Variants in LGI2 observed in about 807,000 individuals in gnomAD.
The protein encoded by LGI2 is leucine-rich repeat LGI family member 2.
Under a neutral mutation model 52.0 loss-of-function variants are expected in LGI2, and 30 were observed. The observed-to-expected ratio is 0.58, with a 90% CI of 0.43 to 0.78. LGI2 has a LOEUF of 0.78. Ranked by LOEUF, LGI2 falls within the 30% of genes least tolerant of loss-of-function variation. The pLI, the probability that LGI2 is intolerant of heterozygous loss-of-function variation, is 0.00. For missense variants in LGI2, 573 were observed against 692.5 expected (o/e 0.83, Z 1.94); for synonymous variants, 270 against 271.8 (o/e 0.99, Z 0.06).
rs1395625181 is a variant in LGI2 at position 25,003,906 on chromosome 4, C to T, written c.1183G>A (p.Val395Ile). 1 of 1,614,040 alleles carries T rather than the reference C, an allele frequency of 6.2e-7. No individual in the cohort carries two copies. The highest frequency in any genetic ancestry group is 1.3e-5 in the African/African-American group (1 of 74,912). Residue 395 changes from valine (V) to isoleucine (I), a missense_variant, in exon 8 of 8, where the codon GTC (valine) becomes ATC (isoleucine). By Grantham distance (29) the Val-to-Ile change is conservative. Transcript: ENST00000382114. ...TTATTCCACTGGAGGATGATGGGGACCTGGGAGCGGCTGGACAGGATGAGA... is the reference window on the plus strand; with the variant it reads ...TTATTCCACTGGAGGATGATGGGGATCTGGGAGCGGCTGGACAGGATGAGA... ...SHLILSSRSQ[V>I]PIILQWNKSS... is the part of the protein sequence containing the mutation.
At chr4:25,024,940 C>T in intron 3 of LGI2, 49 bp from the exon 4 acceptor site, 2 of 1,196,654 alleles carry the variant, frequency 1.7e-6, no homozygotes, top group Non-Finnish European at 1.2e-6. Flanking sequence ...TCCTTAGTAT[C>T]CCAAAAAAAC....
chr4:24,995,120 T>C (rs1560283256), downstream of LGI2, among the ~76,000 whole-genome samples: 1 of 152,218 alleles, frequency 6.6e-6, no homozygotes, highest in East Asian at 1.9e-4. Flanking sequence ...TTTGTGGAAA[T>C]GACTTCTCTC....
intron 7 of LGI2, among the ~76,000 whole-genome samples, chr4:25,011,405 G>C (rs1217119213): frequency 6.6e-6 from 1 of 152,072 alleles, no homozygotes; most frequent in African/African-American, 2.4e-5. Flanking sequence ...ATCTGAAATG[G>C]CATCCTCGGA....
chr4:25,004,456 T>C lies in LGI2; in HGVS notation c.821-188A>G, dbSNP rs1008885664. 2.0e-5 allele frequency among the ~76,000 whole-genome samples: 3 copies of C among 152,202 alleles called. No individual in the cohort carries two copies. Among genetic ancestry groups the C allele is most frequent in the Admixed American group, 6.5e-5 (1 of 15,286 alleles). On this transcript the variant is annotated intron_variant, in intron 7 of 7. Coordinates refer to ENST00000382114, the MANE Select transcript of LGI2 (RefSeq NM_018176.4). This position sits in a 1 kb window ranked among gnomAD's most constrained non-coding sequence, Gnocchi z 4.6. ...GCCAGCAATTCCACTTCTTTGTATA[T>C]ACCCAAAATAATTGAAAGCAGTGAC...
At chr4:24,992,732 G>GC in the LGI2 span, among the ~76,000 whole-genome samples, 2 of 152,010 alleles carry the variant, frequency 1.3e-5, no homozygotes, top group African/African-American at 2.4e-5. Context: ...ATGAAGAATG[G>GC]CCTATCCAGC....
chr4:25,014,141 CA>C (rs1460088532), intron 6 of LGI2, among the ~76,000 whole-genome samples: 1 of 152,218 alleles, frequency 6.6e-6, no homozygotes, highest in African/African-American at 2.4e-5. Flanking sequence ...AAGTTCTAAG[CA>C]CTCCCGTGAC....
At chr4:25,026,997 G>T in intron 2 of LGI2, 58 bp from the exon 3 acceptor site, 1 of 1,292,110 alleles carries the variant, frequency 7.7e-7, no homozygotes, top group Non-Finnish European at 1.1e-6. Flanking sequence ...ACATGGTAAA[G>T]CCATTTCTCT....
chr4:25,027,196 T>C (rs746604319), intron 2 of LGI2, among the ~76,000 whole-genome samples: 1 of 152,158 alleles, frequency 6.6e-6, no homozygotes, highest in Non-Finnish European at 1.5e-5. Flanking sequence ...TCTCAGTAAA[T>C]ATGATCTGAT....
chr4:25,023,044 T>C (rs1441796185), intron 4 of LGI2, among the ~76,000 whole-genome samples: 1 of 145,974 alleles, frequency 6.9e-6, no homozygotes, highest in East Asian at 2.1e-4. Flanking sequence ...ACTTAATGCA[T>C]GGAGGGAAGG....
In LGI2 at chr4:25,019,190, A is replaced by G. The variant is rs779972272; in HGVS notation, c.462T>C (p.Ser154=). ...HIKALPRDVF[S]DLDSLIELDL... is the part of the protein sequence containing the mutation. ...ACAGTTCAATCAGAGAGTCTAAATC[A>G]CTGAAGACATCCCTTGGTAGTGCTT... is the stretch of plus-strand genomic sequence containing the variant. Residue 154 remains serine (S), a synonymous_variant, in exon 5 of 8, where the codon AGT becomes AGC. Transcript: ENST00000382114. 6.8e-6 allele frequency: 11 copies of G among 1,607,162 alleles called. No homozygotes were observed. Among genetic ancestry groups the G allele is most frequent in the Non-Finnish European group, 9.4e-6 (11 of 1,175,428 alleles).
chr4:24,992,442 G>A, the LGI2 span, among the ~76,000 whole-genome samples: 8 of 152,034 alleles, frequency 5.3e-5, no homozygotes, highest in Admixed American at 2.0e-4. Flanking sequence ...AGCCAGGTGC[G>A]GTGGCTCACA....
In LGI2 at chr4:25,003,766, C is replaced by T; in HGVS notation, c.1323G>A (p.Gly441=). 6.2e-7 allele frequency: 1 copy of T among 1,614,134 alleles called. No homozygotes were observed. Among genetic ancestry groups the T allele is most frequent in the South Asian group, 1.1e-5 (1 of 91,072 alleles). Residue 441 remains glycine (G), a synonymous_variant, in exon 8 of 8, where the codon GGG becomes GGA. Transcript: ENST00000382114. The part of the protein sequence containing the change: ...TLYLSLTRFI[G]DSRVMRWNSK... ...TGTTCCACCTCATGACCCGGGAGTCCCCGATGAAGCGGGTAAGGGAAAGGT... is the reference window on the plus strand; with the variant it reads ...TGTTCCACCTCATGACCCGGGAGTCTCCGATGAAGCGGGTAAGGGAAAGGT...
chr4:25,026,315 G>C (rs534624689), intron 3 of LGI2, among the ~76,000 whole-genome samples: 1 of 151,850 alleles, frequency 6.6e-6, no homozygotes. Context: ...CAAGGGCAAA[G>C]CTCATTGCGA....
chr4:25,004,336 CTT>C lies in LGI2; in HGVS notation c.821-70_821-69del. The C allele has an allele frequency of 7.5e-7, 1 of 1,338,072 alleles. No individual in the cohort carries two copies. Among genetic ancestry groups the C allele is most frequent in the Non-Finnish European group, 1.0e-6 (1 of 970,758 alleles). 82.9% of individuals were successfully genotyped at this position (1,338,072 alleles called of 1,614,324 possible). A position where few individuals can be genotyped will look rare whatever the true frequency, so the allele number is the denominator to read the frequency against. ...CTAAAAACGCATCTCCGCTTGTACT[CTT>C]ATACACTGCTGGTGGGAGTGTGAAA... is the stretch of plus-strand genomic sequence containing the variant. On this transcript the variant is annotated intron_variant, in intron 7 of 7. Transcript: ENST00000382114. The surrounding 1 kb of genome is among the most constrained non-coding windows in gnomAD (Gnocchi z 4.6).
At chr4:25,028,445 C>T (rs529959603) in intron 2 of LGI2, 62 bp downstream of exon 2, 97 of 1,456,336 alleles carry the variant, frequency 6.7e-5, no homozygotes, top group Middle Eastern at 2.3e-4. Flanking sequence ...GAGGCAGAGA[C>T]GGCCCTCCAA....
intron 3 of LGI2, among the ~76,000 whole-genome samples, chr4:25,026,666 C>T (rs1726160896): frequency 6.6e-6 from 1 of 152,170 alleles, no homozygotes; most frequent in South Asian, 2.1e-4. Context: ...TTGTCTCTCC[C>T]TCTTTGTCTC....
chr4:25,008,641 C>T (rs1224524251), intron 7 of LGI2, among the ~76,000 whole-genome samples: 1 of 151,810 alleles, frequency 6.6e-6, no homozygotes, highest in East Asian at 1.9e-4. Flanking sequence ...GTGGAAATTC[C>T]TAAAATCTCC....
chr4:25,010,043 C>T (rs529542605), intron 7 of LGI2, among the ~76,000 whole-genome samples: 2 of 152,182 alleles, frequency 1.3e-5, no homozygotes, highest in East Asian at 3.9e-4. Flanking sequence ...TTTAAGAATG[C>T]CACCAGCTGC....
intron 6 of LGI2, among the ~76,000 whole-genome samples, chr4:25,013,375 GC>G (rs1485053055): frequency 1.3e-5 from 2 of 152,222 alleles, no homozygotes; most frequent in East Asian, 3.8e-4. Context: ...AAAAGAGGCT[GC>G]CTCTGCAGCC....
Sources: gnomAD v4.1 joint callset for allele counts (sites outside exome capture counted in the v4.1 genomes callset) on GRCh38, gnomAD v4.1.1 for gene constraint, Gnocchi (gnomAD v3.1) non-coding constraint, MANE v1.5 for transcripts, NCBI Gene and HGNC (gene_info 2026-07-23, HGNC 2026-07-21) for gene names.